ELMO1: variants seen among roughly 807,000 people sequenced by gnomAD.
ELMO1 encodes engulfment and cell motility protein 1.
ELMO1 carries 26 observed loss-of-function variants against 98.9 expected under a neutral mutation model. The observed-to-expected ratio is 0.26, with a 90% CI of 0.19 to 0.36. The LOEUF (loss-of-function observed/expected upper bound fraction) is 0.36. Among genes scored for constraint, ELMO1 ranks in the 10% least tolerant of loss-of-function variants. ELMO1 has a pLI of 1.00. For missense variants in ELMO1, 627 were observed against 935.2 expected (o/e 0.67, Z 4.30); for synonymous variants, 346 against 346.0 (o/e 1.00, Z 0.00).
intron 1 of ELMO1, among the ~76,000 whole-genome samples, chr7:37,346,713 A>C (rs766302747): frequency 2.6e-5 from 4 of 152,272 alleles, no homozygotes; most frequent in Non-Finnish European, 4.4e-5. Flanking sequence ...GAAAGCATAC[A>C]CAATCGTGGG....
intron 5 of ELMO1, among the ~76,000 whole-genome samples, chr7:37,266,557 C>T (rs1254642154): frequency 3.9e-5 from 6 of 152,136 alleles, no homozygotes; most frequent in East Asian, 1.9e-4. Flanking sequence ...TAATTCAGTT[C>T]GCTTATAATA....
chr7:37,398,474 G>C (rs764147541), intron 1 of ELMO1, among the ~76,000 whole-genome samples: 10 of 152,182 alleles, frequency 6.6e-5, no homozygotes, highest in Non-Finnish European at 1.5e-4. Flanking sequence ...ACCAGAAAGC[G>C]ATGGATTCAC....
chr7:37,399,299 T>C (rs776613138), intron 1 of ELMO1, among the ~76,000 whole-genome samples: 5 of 152,244 alleles, frequency 3.3e-5, no homozygotes, highest in Non-Finnish European at 7.3e-5. Flanking sequence ...GGCAGTGGGT[T>C]CCTGGGCAAT....
chr7:37,272,403 C>T (rs767413943), intron 4 of ELMO1, among the ~76,000 whole-genome samples: 29 of 152,220 alleles, frequency 1.9e-4, no homozygotes, highest in Non-Finnish European at 3.8e-4. Flanking sequence ...CGTGGTGGCT[C>T]ACACCTGTAA....
chr7:37,188,006 A>C (rs1375240339), intron 13 of ELMO1, among the ~76,000 whole-genome samples: 6 of 152,106 alleles, frequency 3.9e-5, no homozygotes, highest in Non-Finnish European at 8.8e-5. Context: ...TTGTGACAAG[A>C]ATCTTCATTC....
chr7:37,014,847 G>C (rs1379720819), intron 15 of ELMO1, among the ~76,000 whole-genome samples: 3 of 152,064 alleles, frequency 2.0e-5, no homozygotes, highest in East Asian at 3.9e-4. Context: ...GCTTATAGCA[G>C]AGAGCTTCTG....
intron 5 of ELMO1, among the ~76,000 whole-genome samples, chr7:37,259,884 G>A (rs1795891884): frequency 6.6e-6 from 1 of 152,146 alleles, no homozygotes; most frequent in Admixed American, 6.5e-5. Flanking sequence ...ACTCCACAAC[G>A]ATGCTTGTAA....
intron 4 of ELMO1, among the ~76,000 whole-genome samples, chr7:37,293,715 TAAA>T (rs35978411): frequency 3.0e-5 from 2 of 65,580 alleles, no homozygotes; most frequent in African/African-American, 1.0e-4. Context: ...GAATGATCAA[TAAA>T]AAAAAAAATA....
rs536933000 is a variant in ELMO1 at position 36,871,621 on chromosome 7, T to C, written c.1823-1146A>G. Among the ~76,000 whole-genome samples, 4 of 152,302 alleles carry C rather than the reference T, an allele frequency of 2.6e-5. No homozygotes were observed. In the East Asian group the frequency reaches 7.7e-4, roughly 29 times the overall value. On this transcript the variant is annotated intron_variant, in intron 19 of 21. Transcript: ENST00000310758. ...CCTTAGACTCTCTTAATGATGAAGA[T>C]GATGAGAGATTTCACAGTTAAAGCT...
chr7:37,098,629 T>C (rs558205587), intron 14 of ELMO1, among the ~76,000 whole-genome samples: 6 of 152,190 alleles, frequency 3.9e-5, no homozygotes, highest in Non-Finnish European at 7.3e-5. Flanking sequence ...TGCCCAAGCA[T>C]AGACAATTTC....
chr7:37,228,983 C>T (rs1794019326), intron 8 of ELMO1, among the ~76,000 whole-genome samples: 1 of 151,974 alleles, frequency 6.6e-6, no homozygotes, highest in Non-Finnish European at 1.5e-5. Context: ...CGGAGCGAGA[C>T]TCTGTCTCAA....
intron 1 of ELMO1, among the ~76,000 whole-genome samples, chr7:37,441,239 T>C (rs964325479): frequency 6.8e-5 from 2 of 29,394 alleles, no homozygotes; most frequent in African/African-American, 3.1e-4. Flanking sequence ...GAGTCATAGC[T>C]AGTCTATAAC....
chr7:37,042,101 T>C (rs1424451266), intron 15 of ELMO1, among the ~76,000 whole-genome samples: 1 of 141,256 alleles, frequency 7.1e-6, no homozygotes, highest in Non-Finnish European at 1.5e-5. Context: ...CCTGGGCACA[T>C]GGAAAAACCC....
chr7:37,056,192 T>C lies in ELMO1; in HGVS notation c.1300+40427A>G, dbSNP rs78351907. Reference sequence around the variant, plus strand: ...AAACACAAGCTATTTTTATTGACTATAGATCCCTAGCCAGTTCTTTACAAG... The same window carrying C: ...AAACACAAGCTATTTTTATTGACTACAGATCCCTAGCCAGTTCTTTACAAG... On this transcript the variant is annotated intron_variant, in intron 15 of 21. Transcript: ENST00000310758. 2.9e-3 allele frequency among the ~76,000 whole-genome samples: 446 copies of C among 152,336 alleles called. 2 individuals are homozygous for C. The highest frequency in any genetic ancestry group is 0.01 in the African/African-American group (419 of 41,562).
chr7:37,137,490 G>T (rs1787347150), intron 13 of ELMO1, among the ~76,000 whole-genome samples: 1 of 151,908 alleles, frequency 6.6e-6, no homozygotes, highest in Non-Finnish European at 1.5e-5. Flanking sequence ...ATCAGCACAT[G>T]GAATGCTCTC....
chr7:37,072,723 C>G (rs772927102), intron 15 of ELMO1, among the ~76,000 whole-genome samples: 2 of 152,162 alleles, frequency 1.3e-5, no homozygotes, highest in African/African-American at 2.4e-5. Context: ...CTAGGAGGAG[C>G]CTGCAGTGAG....
chr7:37,213,872 G>A (rs987289879), intron 11 of ELMO1, among the ~76,000 whole-genome samples: 7 of 152,160 alleles, frequency 4.6e-5, no homozygotes, highest in Non-Finnish European at 1.0e-4. Flanking sequence ...CTTACCCTGG[G>A]ACTGTCTCTG....
chr7:37,276,472 G>A (rs958461592), intron 4 of ELMO1, among the ~76,000 whole-genome samples: 2 of 152,094 alleles, frequency 1.3e-5, no homozygotes, highest in Admixed American at 1.3e-4. Context: ...TTAGCCGGGC[G>A]TGGTGGCAGG....
chr7:37,315,606 C>G (rs965816348), intron 3 of ELMO1, among the ~76,000 whole-genome samples: 1 of 152,180 alleles, frequency 6.6e-6, no homozygotes, highest in Admixed American at 6.5e-5. Flanking sequence ...TATACCAGAT[C>G]AAGTGTATAC....
Sources: gnomAD v4.1 joint callset for allele counts (sites outside exome capture counted in the v4.1 genomes callset) on GRCh38, gnomAD v4.1.1 for gene constraint, MANE v1.5 for transcripts, NCBI Gene and HGNC (gene_info 2026-07-23, HGNC 2026-07-21) for gene names.